Variants in GEMIN6 observed in about 807,000 individuals in gnomAD.
The protein encoded by GEMIN6 is gem-associated protein 6.
GEMIN6 carries 13 observed loss-of-function variants against 14.1 expected under a neutral mutation model. The observed-to-expected ratio is 0.92, with a 90% CI of 0.60 to 1.46. The LOEUF is 1.46. GEMIN6 is among the 40% of genes most tolerant of loss of function. The pLI is 0.00. For missense variants in GEMIN6, 271 were observed against 202.4 expected, an observed-to-expected ratio of 1.34 and a Z score of -2.06; for synonymous variants, 87 against 70.0, an observed-to-expected ratio of 1.24 and a Z score of -1.21.
intron 2 of GEMIN6, among the ~76,000 whole-genome samples, chr2:38,780,567 T>C (rs1255064301): frequency 1.3e-5 from 2 of 151,436 alleles, no homozygotes; most frequent in Non-Finnish European, 2.9e-5. Context: ...CTCCATTTCC[T>C]GACCTTGCAA....
At position 38,781,869 on chromosome 2, in the gene GEMIN6, G is replaced by A. The variant is rs780066898; in HGVS notation, c.481G>A (p.Gly161Arg). Reference sequence around the variant, plus strand: ...GTCGCGTGTTCAGGATCTTATTGAAGGACATCTTACAGCTTCCCAATGAGA... The same window carrying A: ...GTCGCGTGTTCAGGATCTTATTGAAAGACATCTTACAGCTTCCCAATGAGA... ...ILSRVQDLIEGHLTASQ is the reference protein window; with the variant it reads ...ILSRVQDLIERHLTASQ Residue 161 changes from glycine (G) to arginine (R), a missense_variant, in exon 3 of 3, where the codon GGA (glycine) becomes AGA (arginine). Physicochemically the swap from Gly to Arg is moderately radical, Grantham distance 125. Coordinates refer to ENST00000281950, the MANE Select transcript of GEMIN6 (RefSeq NM_024775.10). 7.5e-6 allele frequency: 12 copies of A among 1,609,294 alleles called. No individual in the cohort carries two copies. Among genetic ancestry groups the A allele is most frequent in the Non-Finnish European group, 9.3e-6 (11 of 1,176,762 alleles).
rs373350777 is a variant in GEMIN6 at position 38,781,659 on chromosome 2, T to G, written c.271T>G (p.Cys91Gly). The change falls in exon 3 of 3, where the codon TGC becomes GGC. Residue 91 changes from cysteine to glycine, a missense_variant. Physicochemically the swap from Cys to Gly is radical, Grantham distance 159. Transcript: ENST00000281950. ...KLMHLFTSGDCKAYSPEDLEE... is the reference protein window; with the variant it reads ...KLMHLFTSGDGKAYSPEDLEE... Reference sequence around the variant, plus strand: ...GATGCATTTGTTCACGTCTGGAGACTGCAAAGCATACAGCCCAGAGGATCT... The same window carrying G: ...GATGCATTTGTTCACGTCTGGAGACGGCAAAGCATACAGCCCAGAGGATCT... 1 of 1,614,208 alleles carries G rather than the reference T, an allele frequency of 6.2e-7. No homozygotes were observed. The highest frequency in any genetic ancestry group is 1.7e-5 in the Admixed American group (1 of 60,010).
chr2:38,778,907 G>A (rs1384667694), intron 1 of GEMIN6, 65 bp from the exon 2 acceptor site: 1 of 1,371,378 alleles, frequency 7.3e-7, no homozygotes, highest in Non-Finnish European at 1.0e-6. Flanking sequence ...GGATAGGATG[G>A]AGATTAGGGA....
At chr2:38,780,459 A>G (rs925518609) in intron 2 of GEMIN6, among the ~76,000 whole-genome samples, 3 of 150,408 alleles carry the variant, frequency 2.0e-5, no homozygotes, top group Admixed American at 2.0e-4. Flanking sequence ...CCACCTTCCC[A>G]GTTCAAGTGA....
At chr2:38,779,611 A>T (rs939574050) in intron 2 of GEMIN6, among the ~76,000 whole-genome samples, 1 of 134,466 alleles carries the variant, frequency 7.4e-6, no homozygotes, top group Non-Finnish European at 1.6e-5. Context: ...AACTTCATAG[A>T]AATTGGGCAT....
Position 38,782,048 on chromosome 2 carries a change from C to A in GEMIN6, c.*156C>A. 1.5e-6 allele frequency: 1 copy of A among 669,532 alleles called. No individual in the cohort carries two copies. Among genetic ancestry groups the A allele is most frequent in the Non-Finnish European group, 2.4e-6 (1 of 421,336 alleles). 41.5% of individuals were successfully genotyped at this position (669,532 alleles called of 1,614,324 possible). A position where few individuals can be genotyped will look rare whatever the true frequency, so the allele number is the denominator to read the frequency against. On this transcript the variant is annotated 3_prime_UTR_variant, in exon 3 of 3. Coordinates refer to ENST00000281950, the MANE Select transcript of GEMIN6 (RefSeq NM_024775.10). ...AAATCAGAGGAGTGGGTTATAAGTG[C>A]TAATTTCCTTGGGAAATTAATGAAC...
chr2:38,781,405 A>G, intron 2 of GEMIN6, 112 bp from the exon 3 acceptor site: 1 of 1,106,420 alleles, frequency 9.0e-7, no homozygotes, highest in Admixed American at 2.3e-5. Context: ...TGTTGAATAA[A>G]TGGAAGCATT....
Position 38,782,259 on chromosome 2 carries a change from TCAGCC to T in GEMIN6, c.*368_*372del. ...CCCAGGTTCAACCGATTCCCCTGCC[TCAGCC>T]TCTCGAGTAGCTGGGACTACAGGTG... On this transcript the variant is annotated 3_prime_UTR_variant, in exon 3 of 3. Coordinates refer to ENST00000281950, the MANE Select transcript of GEMIN6 (RefSeq NM_024775.10). 1.2e-5 allele frequency: 2 copies of T among 169,700 alleles called. No homozygotes were observed. The highest frequency in any genetic ancestry group is 2.5e-5 in the Non-Finnish European group (2 of 79,626). The allele number at this position is 169,700 out of a possible 1,614,324, so 10.5% of individuals were successfully genotyped here. A position where few individuals can be genotyped will look rare whatever the true frequency, so the allele number is the denominator to read the frequency against.
chr2:38,780,881 G>C (rs1669066956), intron 2 of GEMIN6, among the ~76,000 whole-genome samples: 1 of 151,950 alleles, frequency 6.6e-6, no homozygotes, highest in Non-Finnish European at 1.5e-5. Context: ...TGCCCGCCTT[G>C]TCCTCCCAAA....
chr2:38,779,660 ATATATTTTTTTT>A (rs1343264621), intron 2 of GEMIN6, among the ~76,000 whole-genome samples: 9 of 28,230 alleles, frequency 3.2e-4, no homozygotes, highest in South Asian at 2.7e-3. Flanking sequence ...ATATATATAT[ATATATTTTTTTT>A]TTTTTTTTTT....
In GEMIN6 at chr2:38,779,659, TATA is replaced by T. The variant is rs1245228675; in HGVS notation, c.128+542_128+544del. ...TACTATATATATATATATATATATA[TATA>T]TATTTTTTTTTTTTTTTTTTTTTTT... is the stretch of plus-strand genomic sequence containing the variant. On this transcript the variant is annotated intron_variant, in intron 2 of 2. Coordinates refer to ENST00000281950, the MANE Select transcript of GEMIN6 (RefSeq NM_024775.10). Among the ~76,000 whole-genome samples the T allele has an allele frequency of 4.8e-3, 168 of 35,284 alleles. 1 individual carries two copies. The highest frequency in any genetic ancestry group is 0.017 in the Middle Eastern group (1 of 58). The allele number at this position is 35,284 out of a possible 152,430, so 23.1% of individuals were successfully genotyped here. A position where few individuals can be genotyped will look rare whatever the true frequency, so the allele number is the denominator to read the frequency against.
rs1669102918 is a variant in GEMIN6 at position 38,781,976 on chromosome 2, T to G, written c.*84T>G. The G allele has an allele frequency of 3.1e-6, 4 of 1,277,082 alleles. No homozygotes were observed. Among genetic ancestry groups the G allele is most frequent in the Admixed American group, 2.2e-5 (1 of 44,852 alleles). 79.1% of individuals were successfully genotyped at this position (1,277,082 alleles called of 1,614,324 possible). On this transcript the variant is annotated 3_prime_UTR_variant, in exon 3 of 3. Coordinates refer to ENST00000281950, the MANE Select transcript of GEMIN6 (RefSeq NM_024775.10). Reference sequence around the variant, plus strand: ...TGTTTTAAATGTAAATGTACATGACTGTGTGTGTGTATGTGTGTGTGTGTA... The same window carrying G: ...TGTTTTAAATGTAAATGTACATGACGGTGTGTGTGTATGTGTGTGTGTGTA...
At chr2:38,780,990 T>G (rs1308360932) in intron 2 of GEMIN6, among the ~76,000 whole-genome samples, 1 of 142,968 alleles carries the variant, frequency 7.0e-6, no homozygotes, top group Non-Finnish European at 1.5e-5. Flanking sequence ...TTTTTTTTTT[T>G]TTCCACGACA....
chr2:38,779,839 G>GC (rs1327049807), intron 2 of GEMIN6, among the ~76,000 whole-genome samples: 1 of 147,126 alleles, frequency 6.8e-6, no homozygotes, highest in Non-Finnish European at 1.5e-5. Context: ...GTGCCAACAT[G>GC]CCCCACTAAT....
In GEMIN6 at chr2:38,779,023, A is replaced by T. The variant is rs781137959; in HGVS notation, c.33A>T (p.Glu11Asp). 4 of 1,613,548 alleles carry T rather than the reference A, an allele frequency of 2.5e-6. No individual in the cohort carries two copies. Among genetic ancestry groups the T allele is most frequent in the African/African-American group, 1.3e-5 (1 of 74,886 alleles). The change falls in exon 2 of 3, where the codon GAA (glutamate) becomes GAT (aspartate). Residue 11 changes from glutamate to aspartate, a missense_variant. Physicochemically the swap from Glu to Asp is conservative, Grantham distance 45 (BLOSUM62 2). Coordinates refer to ENST00000281950, the MANE Select transcript of GEMIN6 (RefSeq NM_024775.10). MSEWMKKGPL[E>D]WQDYIYKEVR... ...AATGGATGAAGAAAGGCCCCTTAGA[A>T]TGGCAAGATTACATTTACAAAGAGG...
chr2:38,780,377 T>C (rs1296629010), intron 2 of GEMIN6, among the ~76,000 whole-genome samples: 2 of 151,992 alleles, frequency 1.3e-5, no homozygotes, highest in Non-Finnish European at 2.9e-5. Flanking sequence ...AAAAACTTTT[T>C]TTTTTGAGAT....
chr2:38,784,931 G>C lies in GEMIN6; in HGVS notation c.*3039G>C, dbSNP rs920775586. 1 of 152,192 alleles carries C rather than the reference G, an allele frequency of 6.6e-6. No individual in the cohort carries two copies. Among genetic ancestry groups the C allele is most frequent in the African/African-American group, 2.4e-5 (1 of 41,442 alleles). The allele number at this position is 152,192 out of a possible 1,614,324, so 9.4% of individuals were successfully genotyped here. On this transcript the variant is annotated 3_prime_UTR_variant, in exon 3 of 3. Coordinates refer to ENST00000281950, the MANE Select transcript of GEMIN6 (RefSeq NM_024775.10). ...TGGTTGTATTTACTGCCAGTCCTGG[G>C]CTGTAGCCAGGGCAGTCTTTGAACA...
At position 38,783,990 on chromosome 2, in the gene GEMIN6, C is replaced by T. The variant is rs1180568394; in HGVS notation, c.*2098C>T. ...CAGGAATTTGCATTTCCAACAGACT[C>T]CCAGATAATGATGTTACCGTTCCCA... On this transcript the variant is annotated 3_prime_UTR_variant, in exon 3 of 3. Coordinates refer to ENST00000281950, the MANE Select transcript of GEMIN6 (RefSeq NM_024775.10). The T allele has an allele frequency of 6.6e-6, 1 of 152,118 alleles. No homozygotes were observed. The highest frequency in any genetic ancestry group is 1.9e-4 in the East Asian group (1 of 5,200). The allele number at this position is 152,118 out of a possible 1,614,324, so 9.4% of individuals were successfully genotyped here.
In GEMIN6 at chr2:38,781,824, A is replaced by C. The variant is rs1036272479; in HGVS notation, c.436A>C (p.Ser146Arg). 2 of 1,614,136 alleles carry C rather than the reference A, an allele frequency of 1.2e-6. No individual in the cohort carries two copies. Among genetic ancestry groups the C allele is most frequent in the Non-Finnish European group, 1.7e-6 (2 of 1,180,006 alleles). ...DPPYGPENCS[S>R]SNEIILSRVQ... ...ACCATATGGTCCAGAAAATTGCAGC[A>C]GCTCTAATGAGATTATTCTGTCGCG... Residue 146 changes from serine (S) to arginine (R), a missense_variant, in exon 3 of 3, where the codon AGC becomes CGC. Physicochemically the swap from Ser to Arg is moderately radical, Grantham distance 110. Transcript: ENST00000281950.
Sources: gnomAD v4.1 joint callset for allele counts (sites outside exome capture counted in the v4.1 genomes callset) on GRCh38, gnomAD v4.1.1 for gene constraint, MANE v1.5 for transcripts, NCBI Gene and HGNC (gene_info 2026-07-23, HGNC 2026-07-21) for gene names.